Variants in NELL1 observed in about 807,000 individuals in gnomAD.
The protein encoded by NELL1 is protein kinase C-binding protein NELL1.
NELL1 carries 76 observed loss-of-function variants against 107.4 expected under a neutral mutation model. That is an observed-to-expected ratio of 0.71 (90% CI 0.59 to 0.86). The LOEUF (loss-of-function observed/expected upper bound fraction) is 0.86. Among genes scored for constraint, NELL1 ranks in the 40% least tolerant of loss-of-function variants. NELL1 has a pLI of 0.00. For missense variants in NELL1, 1,024 were observed against 1,005.5 expected (o/e 1.02, Z -0.25); for synonymous variants, 353 against 341.2 (o/e 1.03, Z -0.38).
chr11:21,062,931 A>C (rs1237112265), intron 12 of NELL1, among the ~76,000 whole-genome samples: 2 of 151,996 alleles, frequency 1.3e-5, no homozygotes, highest in East Asian at 3.9e-4. Flanking sequence ...GGGTTCAAGC[A>C]ATTCTCATCC....
intron 13 of NELL1, among the ~76,000 whole-genome samples, chr11:21,217,730 T>G (rs1901943): frequency 5.3e-5 from 8 of 152,042 alleles, no homozygotes; most frequent in South Asian, 2.1e-4. Flanking sequence ...TACAATTTTT[T>G]AAGATATGTA....
chr11:21,101,730 T>G (rs1854820995), intron 12 of NELL1, among the ~76,000 whole-genome samples: 1 of 152,198 alleles, frequency 6.6e-6, no homozygotes, highest in African/African-American at 2.4e-5. Flanking sequence ...TTGTAGATTC[T>G]GGATATTAGC....
intron 2 of NELL1, among the ~76,000 whole-genome samples, chr11:20,757,815 A>G (rs1231244742): frequency 2.6e-5 from 4 of 152,110 alleles, no homozygotes; most frequent in Non-Finnish European, 5.9e-5. Flanking sequence ...CAATTTTGGT[A>G]TGTTCCTTCT....
chr11:20,760,318 C>T (rs535313837), intron 2 of NELL1, among the ~76,000 whole-genome samples: 120 of 152,306 alleles, frequency 7.9e-4, no homozygotes, highest in Non-Finnish European at 1.5e-3. Flanking sequence ...TTTAACTCAT[C>T]CTTTTGGTTG....
At chr11:21,205,411 G>A (rs973238406) in intron 13 of NELL1, among the ~76,000 whole-genome samples, 2 of 152,202 alleles carry the variant, frequency 1.3e-5, no homozygotes, top group East Asian at 1.9e-4. Context: ...TGTTTACACC[G>A]TGAGGGTAAA....
chr11:21,366,190 G>C (rs970104212), intron 14 of NELL1, among the ~76,000 whole-genome samples: 4 of 152,092 alleles, frequency 2.6e-5, no homozygotes, highest in Non-Finnish European at 4.4e-5. Context: ...GTTTCTGTTT[G>C]TAAACTGAGC....
chr11:21,007,702 G>A (rs1192616527), intron 12 of NELL1, among the ~76,000 whole-genome samples: 5 of 151,810 alleles, frequency 3.3e-5, no homozygotes, highest in African/African-American at 1.2e-4. Flanking sequence ...GCAATTGTAG[G>A]TGCTATGCAA....
chr11:21,495,643 A>C (rs1854958129), intron 15 of NELL1, among the ~76,000 whole-genome samples: 1 of 152,134 alleles, frequency 6.6e-6, no homozygotes, highest in African/African-American at 2.4e-5. Flanking sequence ...TGAGTATTCA[A>C]GTTTCTCTAC....
Position 21,317,442 on chromosome 11 carries a change from G to T in NELL1, c.1550-53411G>T, listed in dbSNP as rs1015624890. Among the ~76,000 whole-genome samples, 7 of 151,952 alleles carry T rather than the reference G, an allele frequency of 4.6e-5. No homozygotes were observed. The South Asian group carries it at 6.2e-4, about 14-fold the overall frequency. On this transcript the variant is annotated intron_variant, in intron 14 of 19. Coordinates refer to ENST00000357134, the MANE Select transcript of NELL1 (RefSeq NM_006157.5). Reference sequence around the variant, plus strand: ...ACAAATTTTGCTATTTACTTTTCAGGTTTGTGTAATTCACACTGCCACCAG... The same window carrying T: ...ACAAATTTTGCTATTTACTTTTCAGTTTTGTGTAATTCACACTGCCACCAG...
intron 13 of NELL1, among the ~76,000 whole-genome samples, chr11:21,146,171 G>T (rs1275092887): frequency 6.6e-6 from 1 of 151,982 alleles, no homozygotes; most frequent in Admixed American, 6.6e-5. Context: ...AGTGTCTGGT[G>T]CACAGAAAGC....
intron 15 of NELL1, among the ~76,000 whole-genome samples, chr11:21,374,366 G>T (rs1345501046): frequency 6.6e-6 from 1 of 152,010 alleles, no homozygotes; most frequent in African/African-American, 2.4e-5. Flanking sequence ...CTCATGTGGC[G>T]ATTGGCAGGA....
intron 14 of NELL1, among the ~76,000 whole-genome samples, chr11:21,302,814 G>T (rs1172404283): frequency 6.6e-6 from 1 of 151,826 alleles, no homozygotes; most frequent in Non-Finnish European, 1.5e-5. Context: ...TCAGCATTTT[G>T]GAAGGCCTAG....
intron 2 of NELL1, among the ~76,000 whole-genome samples, chr11:20,735,918 G>T (rs951006654): frequency 1.2e-4 from 19 of 152,154 alleles, no homozygotes; most frequent in Non-Finnish European, 1.5e-5. Flanking sequence ...GTATGATGCA[G>T]TAGAGGGGTT....
chr11:21,072,146 C>A (rs1003870940), intron 12 of NELL1, among the ~76,000 whole-genome samples: 1 of 152,122 alleles, frequency 6.6e-6, no homozygotes, highest in Non-Finnish European at 1.5e-5. Flanking sequence ...CTTTGTTGTG[C>A]AAGCCATTCA....
chr11:21,569,251 A>C (rs1486263070), intron 17 of NELL1, among the ~76,000 whole-genome samples: 2 of 151,904 alleles, frequency 1.3e-5, no homozygotes, highest in African/African-American at 2.4e-5. Context: ...ACAACACTTA[A>C]AACAAGGTGA....
chr11:20,735,436 G>T (rs1326834241), intron 2 of NELL1, among the ~76,000 whole-genome samples: 2 of 152,190 alleles, frequency 1.3e-5, no homozygotes, highest in African/African-American at 4.8e-5. Flanking sequence ...GTGCCAAGCA[G>T]AGGGGAAAAA....
chr11:20,932,343 A>G (rs142881025), intron 9 of NELL1, among the ~76,000 whole-genome samples: 1 of 152,298 alleles, frequency 6.6e-6, no homozygotes, highest in East Asian at 1.9e-4. Context: ...TCTTCTATGC[A>G]AAACAGTATG....
intron 3 of NELL1, among the ~76,000 whole-genome samples, chr11:20,828,234 A>G (rs1346547386): frequency 6.6e-6 from 1 of 151,398 alleles, no homozygotes; most frequent in African/African-American, 2.4e-5. Flanking sequence ...TAGGCACTCA[A>G]TAATTGTCAA....
intron 16 of NELL1, among the ~76,000 whole-genome samples, chr11:21,535,336 A>T (rs1856107404): frequency 6.6e-6 from 1 of 152,204 alleles, no homozygotes; most frequent in Admixed American, 6.6e-5. Flanking sequence ...CCTAGGGGCC[A>T]AGCATTCTGA....
Sources: allele counts gnomAD v4.1 joint callset (sites outside exome capture counted in the v4.1 genomes callset), GRCh38; gene constraint gnomAD v4.1.1; transcripts MANE v1.5; gene names NCBI Gene and HGNC (gene_info 2026-07-23, HGNC 2026-07-21).